CATSPER3: variants seen among roughly 807,000 people sequenced by gnomAD.
CATSPER3 encodes the protein cation channel sperm associated 3, also known as cation channel sperm-associated protein 3.
CATSPER3 carries 23 observed loss-of-function variants against 36.6 expected under a neutral mutation model. The ratio of observed to expected loss-of-function variants is 0.63; its 90% CI spans 0.45 to 0.89. The LOEUF is 0.89. CATSPER3 is among the 40% of genes least tolerant of loss of function. The pLI is 0.00. For missense variants in CATSPER3, 474 were observed against 503.9 expected (o/e 0.94, Z 0.57); for synonymous variants, 172 against 184.1 (o/e 0.93, Z 0.53).
chr5:134,988,465 C>G (rs1561460707), intron 2 of CATSPER3, among the ~76,000 whole-genome samples: 1 of 152,194 alleles, frequency 6.6e-6, no homozygotes, highest in African/African-American at 2.4e-5. Context: ...CCTCTCAAAC[C>G]CTGCCACTGC....
In CATSPER3 at chr5:135,008,861, G is replaced by A. The variant is rs1297918550; in HGVS notation, c.696G>A (p.Leu232=). ...SLATVDGWTD[L]QKQLDNREFA... ...AGCAGGTTGATGGCTGGACAGACCT[G>A]CAGAAGCAGTTGGACAATCGGGAAT... Residue 232 remains leucine, a synonymous_variant, in exon 5 of 8, where the codon CTG becomes CTA. Transcript: ENST00000282611. 6.2e-7 allele frequency: 1 copy of A among 1,614,024 alleles called. No individual in the cohort carries two copies. Among genetic ancestry groups the A allele is most frequent in the Non-Finnish European group, 8.5e-7 (1 of 1,180,014 alleles).
intron 2 of CATSPER3, among the ~76,000 whole-genome samples, chr5:134,980,582 C>G (rs1751738742): frequency 6.6e-6 from 1 of 151,778 alleles, no homozygotes; most frequent in Non-Finnish European, 1.5e-5. Context: ...AGGCATGCAC[C>G]ACCACACCCA....
chr5:134,970,081 AGACTTC>A lies in CATSPER3; in HGVS notation c.242_247del (p.Arg81_Leu83delinsIle). ...TTATGACATAAGGTACCGCTTGTTC[AGACTTC>A]TTGAGGTAAGCAGACAAAATGGGTC... is the stretch of plus-strand genomic sequence containing the variant. On this transcript the variant is annotated inframe_deletion, in exon 2 of 8. Transcript: ENST00000282611. The A allele has an allele frequency of 6.2e-7, 1 of 1,614,092 alleles. No individual in the cohort carries two copies. Among genetic ancestry groups the A allele is most frequent in the Non-Finnish European group, 8.5e-7 (1 of 1,179,984 alleles).
chr5:134,984,486 TACAC>T (rs1369208304), intron 2 of CATSPER3, among the ~76,000 whole-genome samples: 3 of 152,026 alleles, frequency 2.0e-5, no homozygotes, highest in African/African-American at 7.2e-5. Context: ...CAAAAGAAGA[TACAC>T]AAATGGCCAA....
At chr5:134,978,399 TATC>T (rs1335500313) in intron 2 of CATSPER3, among the ~76,000 whole-genome samples, 1 of 152,186 alleles carries the variant, frequency 6.6e-6, no homozygotes, top group African/African-American at 2.4e-5. Flanking sequence ...TGTCTTGAAA[TATC>T]ATACTGTACC....
intron 2 of CATSPER3, among the ~76,000 whole-genome samples, chr5:134,985,127 T>C (rs1247193162): frequency 6.6e-6 from 1 of 152,190 alleles, no homozygotes; most frequent in Non-Finnish European, 1.5e-5. Context: ...TCTGCATGCA[T>C]ATGTTTATTG....
chr5:134,982,017 T>G (rs1580905363), intron 2 of CATSPER3, among the ~76,000 whole-genome samples: 2 of 152,166 alleles, frequency 1.3e-5, no homozygotes, highest in Non-Finnish European at 2.9e-5. Flanking sequence ...TAATCCCAGC[T>G]ATTTGGGAGA....
chr5:134,997,518 A>G (rs1357980492), intron 3 of CATSPER3, among the ~76,000 whole-genome samples: 1 of 151,590 alleles, frequency 6.6e-6, no homozygotes, highest in African/African-American at 2.4e-5. Flanking sequence ...TTTTCCCTAC[A>G]CTCCAGAATA....
chr5:134,982,546 G>C (rs183367728), intron 2 of CATSPER3, among the ~76,000 whole-genome samples: 1 of 152,104 alleles, frequency 6.6e-6, no homozygotes, highest in South Asian at 2.1e-4. Flanking sequence ...GAAAAGCCAT[G>C]TTTAAAATAT....
intron 3 of CATSPER3, among the ~76,000 whole-genome samples, chr5:135,006,825 G>A (rs1285574726): frequency 4.0e-4 from 50 of 123,786 alleles, no homozygotes; most frequent in African/African-American, 1.6e-3. Flanking sequence ...GTGACAGAGC[G>A]ACTCCGTCTC....
At chr5:134,970,297 G>A (rs1580900581) in intron 2 of CATSPER3, among the ~76,000 whole-genome samples, 1 of 151,958 alleles carries the variant, frequency 6.6e-6, no homozygotes, top group African/African-American at 2.4e-5. Context: ...GAATAGCTGG[G>A]ATTATAGGCA....
intron 2 of CATSPER3, among the ~76,000 whole-genome samples, chr5:134,994,915 T>TTCCC (rs1751924895): frequency 6.6e-6 from 1 of 151,996 alleles, no homozygotes; most frequent in Non-Finnish European, 1.5e-5. Context: ...CACCTTTTCT[T>TTCCC]TCCCTCCCTC....
At position 135,008,990 on chromosome 5, in the gene CATSPER3, A is replaced by C. The variant is rs1336877156; in HGVS notation, c.816+9A>C. ...TGATCATGCACACAGAGGTGAGGCCACACCTGTGAGGATCGGAGGTCAGGG... is the reference window on the plus strand; with the variant it reads ...TGATCATGCACACAGAGGTGAGGCCCCACCTGTGAGGATCGGAGGTCAGGG... On this transcript the variant is annotated intron_variant, in intron 5 of 7. Transcript: ENST00000282611. 5 of 1,613,924 alleles carry C rather than the reference A, an allele frequency of 3.1e-6. No homozygotes were observed. The highest frequency in any genetic ancestry group is 4.2e-6 in the Non-Finnish European group (5 of 1,180,018).
chr5:134,968,184 A>G (rs372984786), intron 1 of CATSPER3, 95 bp downstream of exon 1: 1 of 870,636 alleles, frequency 1.1e-6, no homozygotes, highest in South Asian at 1.4e-5. Context: ...TCCCTCAGAT[A>G]CTCGTCTGCT....
intron 3 of CATSPER3, among the ~76,000 whole-genome samples, chr5:134,998,697 T>G (rs549744342): frequency 2.0e-5 from 3 of 152,390 alleles, no homozygotes; most frequent in African/African-American, 7.2e-5. Context: ...TTCATGTATC[T>G]GTTGGCTGTG....
At chr5:134,989,694 G>C (rs928000313) in intron 2 of CATSPER3, among the ~76,000 whole-genome samples, 1 of 152,182 alleles carries the variant, frequency 6.6e-6, no homozygotes, top group African/African-American at 2.4e-5. Context: ...GATCTGTACA[G>C]ACTGCCAAAA....
At chr5:135,007,865 G>A (rs938806827) in intron 3 of CATSPER3, 92 bp from the exon 4 acceptor site, 22 of 913,660 alleles carry the variant, frequency 2.4e-5, no homozygotes, top group Middle Eastern at 3.5e-4. Flanking sequence ...AGTTGCTGGG[G>A]ACAGCTGTGA....
At chr5:134,986,423 C>T (rs1008927149) in intron 2 of CATSPER3, among the ~76,000 whole-genome samples, 5 of 146,638 alleles carry the variant, frequency 3.4e-5, no homozygotes, top group African/African-American at 1.3e-4. Context: ...GAATTACAGG[C>T]GTGAGTCACT....
At chr5:134,991,372 G>A (rs1176651940) in intron 2 of CATSPER3, among the ~76,000 whole-genome samples, 1 of 152,318 alleles carries the variant, frequency 6.6e-6, no homozygotes, top group Non-Finnish European at 1.5e-5. Flanking sequence ...TGGAGGACTT[G>A]CACTTTCTGA....
Sources: allele counts gnomAD v4.1 joint callset (sites outside exome capture counted in the v4.1 genomes callset), GRCh38; gene constraint gnomAD v4.1.1; transcripts MANE v1.5; gene names NCBI Gene and HGNC (gene_info 2026-07-23, HGNC 2026-07-21).